The following RANBP3 variants were observed in gnomAD, a reference collection of about 807,000 sequenced individuals.
RANBP3 encodes the protein RAN binding protein 3, also known as ran-binding protein 3.
RANBP3 carries 14 observed loss-of-function variants against 77.3 expected under a neutral mutation model. That is an observed-to-expected ratio of 0.18 (90% confidence interval 0.12 to 0.28). The LOEUF is 0.28. Among genes scored for constraint, RANBP3 ranks in the 10% least tolerant of loss-of-function variants. RANBP3 has a pLI of 1.00. For synonymous variants in RANBP3, 315 were observed against 312.4 expected, an observed-to-expected ratio of 1.01 and a Z score of -0.09; for missense variants, 586 against 752.3, an observed-to-expected ratio of 0.78 and a Z score of 2.59.
chr19:5,970,804 T>G (rs1281406393), intron 1 of RANBP3, among the ~76,000 whole-genome samples: 1 of 152,174 alleles, frequency 6.6e-6, no homozygotes, highest in Non-Finnish European at 1.5e-5. Context: ...ACCACAATCC[T>G]CAGACTTGCG....
intron 2 of RANBP3, among the ~76,000 whole-genome samples, chr19:5,954,470 A>C (rs2058312236): frequency 6.6e-6 from 1 of 152,172 alleles, no homozygotes; most frequent in Non-Finnish European, 1.5e-5. Context: ...CCCGTGGAAG[A>C]ATTTAGGGCA....
intron 8 of RANBP3, among the ~76,000 whole-genome samples, chr19:5,929,945 T>C (rs568537721): frequency 6.6e-6 from 1 of 152,270 alleles, no homozygotes; most frequent in South Asian, 2.1e-4. Flanking sequence ...CTCAACCATT[T>C]GGGAACAAGC....
chr19:5,971,823 C>T (rs2058533937), intron 1 of RANBP3, among the ~76,000 whole-genome samples: 1 of 152,156 alleles, frequency 6.6e-6, no homozygotes, highest in Non-Finnish European at 1.5e-5. Context: ...GATTGAAACC[C>T]AAATACCAAC....
chr19:5,973,610 G>A (rs2058554861), intron 1 of RANBP3, among the ~76,000 whole-genome samples: 2 of 152,336 alleles, frequency 1.3e-5, no homozygotes, highest in Admixed American at 6.5e-5. Context: ...AGGACCCAGA[G>A]CCCAGGCCCT....
In RANBP3 at chr19:5,919,741, G is replaced by C. The variant is rs372566455; in HGVS notation, c.1331-1103C>G. ...TGGAGAAACCCTGTCTCTACTTAAAGTATAAAAAAATTAGCCAGGCTTGGT... is the reference window on the plus strand; with the variant it reads ...TGGAGAAACCCTGTCTCTACTTAAACTATAAAAAAATTAGCCAGGCTTGGT... On this transcript the variant is annotated intron_variant, in intron 14 of 16. Coordinates refer to ENST00000340578, the MANE Select transcript of RANBP3 (RefSeq NM_007322.3). Among the ~76,000 whole-genome samples, 7 of 152,048 alleles carry C rather than the reference G, an allele frequency of 4.6e-5. No individual in the cohort carries two copies. The East Asian group carries it at 1.2e-3, about 25-fold the overall frequency.
In RANBP3 at chr19:5,918,496, C is replaced by T. The variant is rs1012413726; in HGVS notation, c.1473G>A (p.Ser491=). Reference sequence around the variant, plus strand: ...AGATGCACCCGCGTGGCTGGCTCACCGAGATCAGGAAGACCTTCACGCCCT... The same window carrying T: ...AGATGCACCCGCGTGGCTGGCTCACTGAGATCAGGAAGACCTTCACGCCCT... ...EDQGVKVFLI[S]ASSKDTGQLY... Residue 491 remains serine, a splice_region_variant and synonymous_variant, in exon 15 of 17, where the codon TCG becomes TCA. Coordinates refer to ENST00000340578, the MANE Select transcript of RANBP3 (RefSeq NM_007322.3). 7 of 1,609,430 alleles carry T rather than the reference C, an allele frequency of 4.3e-6. No homozygotes were observed. The highest frequency in any genetic ancestry group is 1.3e-5 in the African/African-American group (1 of 74,696).
chr19:5,934,817 A>G (rs922683931), intron 5 of RANBP3, among the ~76,000 whole-genome samples: 3 of 152,274 alleles, frequency 2.0e-5, no homozygotes, highest in Non-Finnish European at 4.4e-5. Context: ...CCTGGGCGAC[A>G]GAGTGAGACC....
intron 10 of RANBP3, 118 bp downstream of exon 10, chr19:5,925,516 A>G: frequency 1.2e-6 from 1 of 862,306 alleles, no homozygotes; most frequent in Non-Finnish European, 1.9e-6. Flanking sequence ...GGGGCCTGAG[A>G]GCAACCTGGA....
intron 8 of RANBP3, among the ~76,000 whole-genome samples, chr19:5,930,217 C>A (rs1181490811): frequency 6.6e-6 from 1 of 152,232 alleles, no homozygotes; most frequent in African/African-American, 2.4e-5. Flanking sequence ...TTCCAAGCCG[C>A]AGAATGCGGT....
In RANBP3 at chr19:5,973,582, G is replaced by C. The variant is rs544773128; in HGVS notation, c.22+4479C>G. Among the ~76,000 whole-genome samples, 15 of 152,316 alleles carry C rather than the reference G, an allele frequency of 9.8e-5. No individual in the cohort carries two copies. In the South Asian group the frequency reaches 3.1e-3, roughly 32 times the overall value. On this transcript the variant is annotated intron_variant, in intron 1 of 16. Coordinates refer to ENST00000340578, the MANE Select transcript of RANBP3 (RefSeq NM_007322.3). ...GGATCCCTGAGATCACTAAGTGACAGGCAGGACAGAACTTAGGAGGACCCA... is the reference window on the plus strand; with the variant it reads ...GGATCCCTGAGATCACTAAGTGACACGCAGGACAGAACTTAGGAGGACCCA...
chr19:5,937,173 G>GAGGTACAC (rs1229510454), intron 5 of RANBP3, among the ~76,000 whole-genome samples: 7 of 151,508 alleles, frequency 4.6e-5, no homozygotes, highest in African/African-American at 1.7e-4. Flanking sequence ...GGAGTGTGAT[G>GAGGTACAC]AGGTACACAC....
At chr19:5,923,674 C>T (rs2057859284) in intron 12 of RANBP3, 138 bp downstream of exon 12, 2 of 668,870 alleles carry the variant, frequency 3.0e-6, no homozygotes, top group Non-Finnish European at 5.3e-6. Context: ...AGGCAGGGCC[C>T]TGGAGCTGGT....
At chr19:5,937,775 A>G (rs2145119795) in intron 5 of RANBP3, among the ~76,000 whole-genome samples, 1 of 152,264 alleles carries the variant, frequency 6.6e-6, no homozygotes, top group South Asian at 2.1e-4. Flanking sequence ...GCCCTGCTCG[A>G]GGCTGGAGGG....
At chr19:5,939,718 C>G (rs774412655) in intron 5 of RANBP3, among the ~76,000 whole-genome samples, 1 of 151,962 alleles carries the variant, frequency 6.6e-6, no homozygotes, top group Non-Finnish European at 1.5e-5. Context: ...CGGAACAGCA[C>G]GCAAACAGGG....
rs1338610430 is a variant in RANBP3, at chr19:5,958,239, C to T, written c.23-266G>A. Among the ~76,000 whole-genome samples, 2 of 152,120 alleles carry T rather than the reference C, an allele frequency of 1.3e-5. No homozygotes were observed. The highest frequency in any genetic ancestry group is 2.4e-5 in the African/African-American group (1 of 41,418). ...AGGAGTTTTCAAGACTCACTGAGAG[C>T]GGGCGTGTAAATGGGAGTGGGAGAG... On this transcript the variant is annotated intron_variant, in intron 1 of 16. Transcript: ENST00000340578. This position sits in a 1 kb window ranked among gnomAD's most constrained non-coding sequence, Gnocchi z 4.4.
chr19:5,927,882 G>A, intron 9 of RANBP3, 86 bp downstream of exon 9: 1 of 1,515,792 alleles, frequency 6.6e-7, no homozygotes, highest in Non-Finnish European at 8.9e-7. Context: ...CCCCTCCCCT[G>A]TTAAAAGGAA....
At chr19:5,955,981 G>A (rs920677187) in intron 2 of RANBP3, among the ~76,000 whole-genome samples, 14 of 151,966 alleles carry the variant, frequency 9.2e-5, no homozygotes, top group African/African-American at 2.9e-4. Context: ...TGGTGGTGGT[G>A]CCTGTAGTCC....
chr19:5,935,616 A>T (rs1408716082), intron 5 of RANBP3: 3 of 440,162 alleles, frequency 6.8e-6, no homozygotes, highest in East Asian at 1.4e-4. Context: ...GCTAACGCTG[A>T]GGGGAGCCTG....
chr19:5,939,089 G>A (rs1657671915), intron 5 of RANBP3, among the ~76,000 whole-genome samples: 2 of 152,106 alleles, frequency 1.3e-5, no homozygotes, highest in African/African-American at 4.8e-5. Context: ...GGAAGCTGAG[G>A]CAGCAGAATC....
Sources: gnomAD v4.1 joint callset for allele counts (sites outside exome capture counted in the v4.1 genomes callset) on GRCh38, gnomAD v4.1.1 for gene constraint, Gnocchi (gnomAD v3.1) non-coding constraint, MANE v1.5 for transcripts, NCBI Gene and HGNC (gene_info 2026-07-23, HGNC 2026-07-21) for gene names.